Variants in WWOX observed in about 807,000 individuals in gnomAD.
WWOX encodes WW domain containing oxidoreductase.
In WWOX, 69 loss-of-function variants were observed where a neutral mutation model predicts 46.2. The ratio of observed to expected loss-of-function variants is 1.49; its 90% CI spans 1.23 to 1.82. The LOEUF (loss-of-function observed/expected upper bound fraction) is 1.82, where lower values mean the gene tolerates loss of function less well. Ranked by LOEUF, WWOX falls within the 40% of genes most tolerant of loss-of-function variation. WWOX has a pLI of 0.00. For missense variants in WWOX, 919 were observed against 542.6 expected, an observed-to-expected ratio of 1.69 and a Z score of -6.89; for synonymous variants, 359 against 202.6, an observed-to-expected ratio of 1.77 and a Z score of -6.56.
At chr16:78,548,212 C>T (rs1030075729) in intron 8 of WWOX, among the ~76,000 whole-genome samples, 8 of 148,070 alleles carry the variant, frequency 5.4e-5, no homozygotes, top group African/African-American at 2.0e-4. Flanking sequence ...ACATTTAATC[C>T]GTAGTACTGA....
intron 8 of WWOX, among the ~76,000 whole-genome samples, chr16:79,127,883 G>A (rs780605622): frequency 1.3e-5 from 2 of 152,186 alleles, no homozygotes; most frequent in African/African-American, 2.4e-5. Context: ...ACAGAAGTTA[G>A]ACTGCAAGAA....
intron 8 of WWOX, among the ~76,000 whole-genome samples, chr16:78,792,394 A>G (rs1338197932): frequency 6.6e-6 from 1 of 152,130 alleles, no homozygotes. Context: ...CAGAAACATA[A>G]AAAGCTCGGA....
At chr16:78,137,953 G>C (rs1045771548) in intron 4 of WWOX, among the ~76,000 whole-genome samples, 1 of 150,808 alleles carries the variant, frequency 6.6e-6, no homozygotes, top group African/African-American at 2.5e-5. Context: ...ACAAGAGGAA[G>C]TGAAAGGAAC....
chr16:78,107,461 A>G (rs955438988), intron 1 of WWOX, among the ~76,000 whole-genome samples: 7 of 152,142 alleles, frequency 4.6e-5, no homozygotes, highest in African/African-American at 9.7e-5. Context: ...CTGGATGTAC[A>G]ATATTCTTAT....
At chr16:78,438,002 A>G (rs1406445657) in intron 8 of WWOX, among the ~76,000 whole-genome samples, 2 of 152,178 alleles carry the variant, frequency 1.3e-5, no homozygotes, top group Non-Finnish European at 2.9e-5. Context: ...TTAATTCACA[A>G]AACCAGGTGT....
intron 1 of WWOX, among the ~76,000 whole-genome samples, chr16:78,104,581 C>G (rs1341716744): frequency 6.6e-6 from 1 of 151,982 alleles, no homozygotes; most frequent in Non-Finnish European, 1.5e-5. Context: ...AATTTGAATC[C>G]TTTGGTTTAA....
chr16:79,038,343 G>T (rs1470050658), intron 8 of WWOX, among the ~76,000 whole-genome samples: 2 of 152,026 alleles, frequency 1.3e-5, no homozygotes, highest in African/African-American at 4.8e-5. Context: ...AGAAGAAAAT[G>T]CTTATGATAC....
chr16:78,746,106 T>C (rs1006517513), intron 8 of WWOX, among the ~76,000 whole-genome samples: 2 of 152,144 alleles, frequency 1.3e-5, no homozygotes, highest in African/African-American at 4.8e-5. Flanking sequence ...CAAACCAGCA[T>C]GTGATTTGTC....
intron 8 of WWOX, among the ~76,000 whole-genome samples, chr16:78,618,962 A>T (rs1352274838): frequency 6.7e-6 from 1 of 149,744 alleles, no homozygotes; most frequent in Non-Finnish European, 1.5e-5. Context: ...CAAAGACTTT[A>T]AGATACTGAA....
At chr16:78,863,165 C>T (rs1027478149) in intron 8 of WWOX, among the ~76,000 whole-genome samples, 2 of 152,008 alleles carry the variant, frequency 1.3e-5, no homozygotes, top group East Asian at 1.9e-4. Flanking sequence ...ACCATGTTGG[C>T]CAGACTGGTC....
At chr16:78,605,159 G>C (rs889924019) in intron 8 of WWOX, among the ~76,000 whole-genome samples, 1 of 150,620 alleles carries the variant, frequency 6.6e-6, no homozygotes, top group South Asian at 2.1e-4. Context: ...GACCTTCAAA[G>C]TCTAGGAATG....
At chr16:78,632,713 C>G (rs2046464053) in intron 8 of WWOX, among the ~76,000 whole-genome samples, 1 of 151,688 alleles carries the variant, frequency 6.6e-6, no homozygotes, top group Non-Finnish European at 1.5e-5. Context: ...TGTGCGCCAC[C>G]ACGCCCAGCT....
At chr16:78,926,926 A>G (rs943271434) in intron 8 of WWOX, among the ~76,000 whole-genome samples, 1 of 152,118 alleles carries the variant, frequency 6.6e-6, no homozygotes, top group Non-Finnish European at 1.5e-5. Flanking sequence ...CTTCCTAAGT[A>G]GCTGGGAGCA....
At chr16:78,207,096 A>G (rs1289494257) in intron 5 of WWOX, among the ~76,000 whole-genome samples, 1 of 152,216 alleles carries the variant, frequency 6.6e-6, no homozygotes, top group East Asian at 1.9e-4. Context: ...TTAATTCTAC[A>G]TTGTCTACTG....
At chr16:78,876,978 C>T (rs938772061) in intron 8 of WWOX, among the ~76,000 whole-genome samples, 1 of 152,152 alleles carries the variant, frequency 6.6e-6, no homozygotes, top group Non-Finnish European at 1.5e-5. Context: ...AGTCTTATTA[C>T]TTTGCCTGTT....
intron 1 of WWOX, among the ~76,000 whole-genome samples, chr16:78,104,914 T>A (rs1292279574): frequency 6.6e-6 from 1 of 152,166 alleles, no homozygotes; most frequent in Non-Finnish European, 1.5e-5. Flanking sequence ...GGCATGGGAT[T>A]AAATGACTTC....
chr16:78,325,956 A>G (rs928611596), intron 5 of WWOX, among the ~76,000 whole-genome samples: 2 of 152,246 alleles, frequency 1.3e-5, no homozygotes, highest in African/African-American at 2.4e-5. Flanking sequence ...CACATACAAC[A>G]TCATTTCATT....
At chr16:78,965,166 G>A (rs948911336) in intron 8 of WWOX, among the ~76,000 whole-genome samples, 30 of 152,338 alleles carry the variant, frequency 2.0e-4, no homozygotes, top group East Asian at 7.7e-4. Context: ...TGAGAAGAGG[G>A]AAAGTGAACT....
intron 8 of WWOX, among the ~76,000 whole-genome samples, chr16:78,440,386 AC>A (rs2083417529): frequency 6.6e-6 from 1 of 151,870 alleles, no homozygotes; most frequent in Non-Finnish European, 1.5e-5. Context: ...CTTAATTTCT[AC>A]CCATCCTGCA....
Sources: allele counts gnomAD v4.1 joint callset (sites outside exome capture counted in the v4.1 genomes callset), GRCh38; gene constraint gnomAD v4.1.1; transcripts MANE v1.5; gene names NCBI Gene and HGNC (gene_info 2026-07-23, HGNC 2026-07-21).